Variants in RPRD1A observed in about 807,000 individuals in gnomAD.
The protein encoded by RPRD1A is regulation of nuclear pre-mRNA domain containing 1A, also known as regulation of nuclear pre-mRNA domain-containing protein 1A.
A neutral mutation model predicts 37.8 loss-of-function variants in RPRD1A; 9 were observed. The ratio of observed to expected loss-of-function variants is 0.24; its 90% confidence interval spans 0.14 to 0.42. The LOEUF is 0.42. Ranked by LOEUF, RPRD1A falls within the 10% of genes least tolerant of loss-of-function variation. The pLI is 1.00. For synonymous variants in RPRD1A, 138 were observed against 139.7 expected (o/e 0.99, Z 0.08); for missense variants, 255 against 371.0 (o/e 0.69, Z 2.57).
At chr18:36,041,086 T>C (rs928991419) in intron 1 of RPRD1A, among the ~76,000 whole-genome samples, 5 of 152,322 alleles carry the variant, frequency 3.3e-5, no homozygotes, top group African/African-American at 1.2e-4. Context: ...CTGCATAGTC[T>C]CAAATATACT....
chr18:36,044,063 A>C (rs748448257), intron 1 of RPRD1A, among the ~76,000 whole-genome samples: 2 of 152,242 alleles, frequency 1.3e-5, no homozygotes, highest in Non-Finnish European at 2.9e-5. Context: ...AATCATAGAA[A>C]GAAAACATCT....
chr18:36,066,676 TA>T (rs2089037342), intron 1 of RPRD1A, among the ~76,000 whole-genome samples: 1 of 152,226 alleles, frequency 6.6e-6, no homozygotes, highest in African/African-American at 2.4e-5. Flanking sequence ...TGACTTACTC[TA>T]AATCTCTCCT....
intron 1 of RPRD1A, among the ~76,000 whole-genome samples, chr18:36,038,688 G>A (rs1247741137): frequency 2.0e-5 from 3 of 152,166 alleles, no homozygotes; most frequent in East Asian, 1.9e-4. Context: ...ACTTGCATTC[G>A]TGCCTGGAAA....
At chr18:36,027,361 C>A in intron 4 of RPRD1A, 51 bp from the exon 5 acceptor site, 4 of 1,591,516 alleles carry the variant, frequency 2.5e-6, no homozygotes, top group Non-Finnish European at 3.4e-6. Context: ...TAAACAAGTG[C>A]AAAAGACTTT....
intron 1 of RPRD1A, among the ~76,000 whole-genome samples, chr18:36,063,520 C>A (rs928521255): frequency 5.3e-5 from 8 of 152,192 alleles, no homozygotes; most frequent in African/African-American, 1.9e-4. Context: ...TTTGTCTTTA[C>A]ACACTTTGAG....
At chr18:36,009,412 C>CT (rs886106163) in intron 6 of RPRD1A, among the ~76,000 whole-genome samples, 5 of 152,186 alleles carry the variant, frequency 3.3e-5, no homozygotes, top group Non-Finnish European at 7.3e-5. Flanking sequence ...AATGGAGTCA[C>CT]TGTGTGTTGT....
chr18:36,054,567 C>A (rs1279929820), intron 1 of RPRD1A, among the ~76,000 whole-genome samples: 2 of 152,054 alleles, frequency 1.3e-5, no homozygotes, highest in African/African-American at 4.8e-5. Context: ...ACTTGGGGAT[C>A]TCCAAAGAAA....
intron 6 of RPRD1A, among the ~76,000 whole-genome samples, chr18:36,022,235 AAAG>A (rs1434594521): frequency 6.6e-6 from 1 of 152,238 alleles, no homozygotes; most frequent in Non-Finnish European, 1.5e-5. Context: ...TGGTTTATGG[AAAG>A]AAGCTGTCTC....
chr18:36,013,896 T>C (rs899612845), intron 6 of RPRD1A, among the ~76,000 whole-genome samples: 5 of 152,084 alleles, frequency 3.3e-5, no homozygotes, highest in African/African-American at 9.7e-5. Context: ...TAGAATCCTA[T>C]AAACAAAACA....
At chr18:36,053,980 G>T (rs1913583576) in intron 1 of RPRD1A, among the ~76,000 whole-genome samples, 1 of 152,124 alleles carries the variant, frequency 6.6e-6, no homozygotes. Context: ...GAAAGGCAGA[G>T]CAACAGGGAA....
At chr18:36,059,723 C>A (rs2088868179) in intron 1 of RPRD1A, among the ~76,000 whole-genome samples, 2 of 151,910 alleles carry the variant, frequency 1.3e-5, no homozygotes, top group African/African-American at 4.8e-5. Flanking sequence ...CAGATGGCAC[C>A]CATAGATGTA....
intron 6 of RPRD1A, among the ~76,000 whole-genome samples, chr18:35,997,005 AACT>A (rs1411686662): frequency 2.1e-5 from 3 of 142,246 alleles, no homozygotes; most frequent in African/African-American, 8.7e-5. Context: ...AAAAAAAAAG[AACT>A]ATCTGTAATT....
At chr18:36,041,881 G>C (rs1912607774) in intron 1 of RPRD1A, among the ~76,000 whole-genome samples, 1 of 152,192 alleles carries the variant, frequency 6.6e-6, no homozygotes, top group Non-Finnish European at 1.5e-5. Context: ...AGCAGAGGTG[G>C]GTGAAAAGTG....
chr18:36,012,260 C>A (rs542278437), intron 6 of RPRD1A, among the ~76,000 whole-genome samples: 2 of 152,226 alleles, frequency 1.3e-5, no homozygotes, highest in African/African-American at 4.8e-5. Flanking sequence ...GTGGTGACAG[C>A]CATGCTACCA....
At chr18:35,994,518 G>A (rs1036654542) in intron 6 of RPRD1A, among the ~76,000 whole-genome samples, 1 of 152,240 alleles carries the variant, frequency 6.6e-6, no homozygotes, top group African/African-American at 2.4e-5. Context: ...GAGGAATAAT[G>A]AGGGTTCAGG....
Position 36,067,488 on chromosome 18 carries a change from C to G in RPRD1A, c.-84G>C. On this transcript the variant is annotated 5_prime_UTR_variant, in exon 1 of 7. Transcript: ENST00000399022. ...GCCGCCCTAGCTGCGGCCTCGCCCC[C>G]TCACCCCACCCTTCCCCACGCTCTC... The G allele has an allele frequency of 5.7e-6, 8 of 1,395,950 alleles. No homozygotes were observed. The highest frequency in any genetic ancestry group is 1.8e-4 in the Middle Eastern group (1 of 5,522). The allele number at this position is 1,395,950 out of a possible 1,614,324, so 86.5% of individuals were successfully genotyped here.
chr18:36,058,945 TG>T (rs1383750444), intron 1 of RPRD1A, among the ~76,000 whole-genome samples: 1 of 152,184 alleles, frequency 6.6e-6, no homozygotes, highest in Non-Finnish European at 1.5e-5. Context: ...TATAAAGATC[TG>T]GAAAAATGTA....
intron 6 of RPRD1A, among the ~76,000 whole-genome samples, chr18:35,997,392 CAAAA>C (rs1169065563): frequency 6.6e-6 from 1 of 151,984 alleles, no homozygotes; most frequent in South Asian, 2.1e-4. Context: ...AATGAAATGT[CAAAA>C]AAGAGGGAAA....
In RPRD1A at chr18:36,067,300, T is replaced by C. The variant is rs2089051653; in HGVS notation, c.105A>G (p.Lys35=). 4.4e-6 allele frequency: 7 copies of C among 1,605,638 alleles called. No individual in the cohort carries two copies. Among genetic ancestry groups the C allele is most frequent in the African/African-American group, 2.7e-5 (2 of 74,670 alleles). ...ACACGGTGACGATGGGACGCGAGTG[T>C]TTACGGTGGTGAATGAGCCACAGGG... ...TLSLWLIHHR[K]HSRPIVTVWE... is the part of the protein sequence containing the mutation. Residue 35 remains lysine (K), a synonymous_variant, in exon 1 of 7, where the codon AAA becomes AAG. Coordinates refer to ENST00000399022, the MANE Select transcript of RPRD1A (RefSeq NM_018170.5).
Sources: allele counts gnomAD v4.1 joint callset (sites outside exome capture counted in the v4.1 genomes callset), GRCh38; gene constraint gnomAD v4.1.1; transcripts MANE v1.5; gene names NCBI Gene and HGNC (gene_info 2026-07-23, HGNC 2026-07-21).